FBXO42: variants seen among roughly 807,000 people sequenced by gnomAD.
FBXO42 encodes F-box only protein 42.
FBXO42 carries 12 observed loss-of-function variants against 71.7 expected under a neutral mutation model. The ratio of observed to expected loss-of-function variants is 0.17; its 90% CI spans 0.11 to 0.27. The LOEUF is 0.27. Ranked by LOEUF, FBXO42 falls within the 10% of genes least tolerant of loss-of-function variation. FBXO42 has a pLI of 1.00. For missense variants in FBXO42, 707 were observed against 911.9 expected (o/e 0.78, Z 2.89); for synonymous variants, 325 against 327.5 (o/e 0.99, Z 0.08).
intron 1 of FBXO42, among the ~76,000 whole-genome samples, chr1:16,316,117 C>T (rs959911170): frequency 2.8e-5 from 4 of 144,826 alleles, no homozygotes; most frequent in East Asian, 4.0e-4. Context: ...TGCAGTGAGC[C>T]GAGATCATGC....
intron 1 of FBXO42, among the ~76,000 whole-genome samples, chr1:16,335,993 G>A (rs12740433): frequency 2.7e-4 from 41 of 151,404 alleles, no homozygotes; most frequent in Admixed American, 2.4e-3. Flanking sequence ...GTACAATGGC[G>A]CAATCTCGGC....
rs557447940 is a variant in FBXO42 at position 16,305,653 on chromosome 1, G to T, written c.367+150C>A. The T allele has an allele frequency of 1.5e-5, 10 of 670,180 alleles. No homozygotes were observed. The East Asian group carries it at 2.6e-4, about 18-fold the overall frequency. 41.5% of individuals were successfully genotyped at this position (670,180 alleles called of 1,614,324 possible). A position where few individuals can be genotyped will look rare whatever the true frequency, so the allele number is the denominator to read the frequency against. ...ACCTGAGCCTGGGGAGGTGGAGGCT[G>T]TAGTAAGCTGTGATTATGCCACTGC... On this transcript the variant is annotated intron_variant, in intron 3 of 9. Coordinates refer to ENST00000375592, the MANE Select transcript of FBXO42 (RefSeq NM_018994.3).
intron 2 of FBXO42, among the ~76,000 whole-genome samples, chr1:16,311,495 A>G (rs1557596928): frequency 1.1e-5 from 1 of 90,604 alleles, no homozygotes; most frequent in East Asian, 2.5e-4. Context: ...CTCAAAAAAA[A>G]AAAAAAAAAT....
chr1:16,252,617 A>C lies in FBXO42; in HGVS notation c.922-213T>G, dbSNP rs1020604957. Among the ~76,000 whole-genome samples the C allele has an allele frequency of 6.6e-6, 1 of 152,228 alleles. No individual in the cohort carries two copies. The highest frequency in any genetic ancestry group is 2.1e-4 in the South Asian group (1 of 4,834). ...ATATTACCACTGGCTTAGCACATGGAATTGTGCTTGTGACCCATGAATCAA... is the reference window on the plus strand; with the variant it reads ...ATATTACCACTGGCTTAGCACATGGCATTGTGCTTGTGACCCATGAATCAA... On this transcript the variant is annotated intron_variant, in intron 8 of 9. Coordinates refer to ENST00000375592, the MANE Select transcript of FBXO42 (RefSeq NM_018994.3). This position sits in a 1 kb window ranked among gnomAD's most constrained non-coding sequence, Gnocchi z 4.4.
Position 16,251,322 on chromosome 1 carries a change from T to A in FBXO42, c.1502A>T (p.Asp501Val). ...AGCGGGTTTCAGATCCCAATTCAGA[T>A]CTATGGATCCTAATCTCAGATCTTT... Reference protein sequence around the residue: ...DQKDLRLGSIDLNWDLKPASS... With the variant: ...DQKDLRLGSIVLNWDLKPASS... Residue 501 changes from aspartate to valine, a missense_variant, in exon 10 of 10, where the codon GAT becomes GTT. Coordinates refer to ENST00000375592, the MANE Select transcript of FBXO42 (RefSeq NM_018994.3). The surrounding 1 kb of genome is among the most constrained non-coding windows in gnomAD (Gnocchi z 4.5). 6.2e-7 allele frequency: 1 copy of A among 1,614,200 alleles called. No individual in the cohort carries two copies.
chr1:16,283,979 A>G (rs1215374924), intron 4 of FBXO42, among the ~76,000 whole-genome samples: 1 of 152,054 alleles, frequency 6.6e-6, no homozygotes, highest in Non-Finnish European at 1.5e-5. Context: ...TCTGTATTAA[A>G]CAGATGCCAA....
At chr1:16,299,395 TA>T (rs2082167627) in intron 3 of FBXO42, among the ~76,000 whole-genome samples, 1 of 152,164 alleles carries the variant, frequency 6.6e-6, no homozygotes, top group African/African-American at 2.4e-5. Flanking sequence ...AATCCCACAC[TA>T]AAATAGGGCA....
At chr1:16,262,908 A>C (rs751427290) in intron 4 of FBXO42, among the ~76,000 whole-genome samples, 3 of 151,694 alleles carry the variant, frequency 2.0e-5, no homozygotes, top group Non-Finnish European at 4.4e-5. Flanking sequence ...ACAGCATTTC[A>C]CCATGTTGTG....
intron 4 of FBXO42, among the ~76,000 whole-genome samples, chr1:16,258,274 C>T (rs1246423728): frequency 2.6e-5 from 4 of 152,050 alleles, no homozygotes; most frequent in Admixed American, 6.5e-5. Flanking sequence ...GGGAACAATA[C>T]GATTTACTGA....
At chr1:16,308,905 A>G (rs929696820) in intron 2 of FBXO42, among the ~76,000 whole-genome samples, 2 of 151,156 alleles carry the variant, frequency 1.3e-5, no homozygotes, top group Admixed American at 1.3e-4. Flanking sequence ...CACCATGCCT[A>G]GCTAATTTTG....
chr1:16,256,827 A>T (rs2081651310), intron 4 of FBXO42, 68 bp from the exon 5 acceptor site: 1 of 1,530,756 alleles, frequency 6.5e-7, no homozygotes, highest in South Asian at 1.2e-5. Flanking sequence ...TAGGCTATCC[A>T]TAGATCACCT....
chr1:16,294,402 T>C (rs1404271577), intron 4 of FBXO42: 1 of 190,344 alleles, frequency 5.3e-6, no homozygotes, highest in Non-Finnish European at 1.1e-5. Flanking sequence ...ACAACAGATA[T>C]TCAGAGACCT....
rs182660517 is a variant in FBXO42 at position 16,312,416 on chromosome 1, G to A, written c.250+2753C>T. Among the ~76,000 whole-genome samples, 415 of 152,106 alleles carry A rather than the reference G, an allele frequency of 2.7e-3. 1 individual carries two copies. Among genetic ancestry groups the A allele is most frequent in the African/African-American group, 9.6e-3 (397 of 41,520 alleles). ...TATTACTAAGTGAAAGAAACCAATCGGAAAAGGCTGTATACTGTATGATTC... is the reference window on the plus strand; with the variant it reads ...TATTACTAAGTGAAAGAAACCAATCAGAAAAGGCTGTATACTGTATGATTC... On this transcript the variant is annotated intron_variant, in intron 2 of 9. Transcript: ENST00000375592.
Position 16,250,719 on chromosome 1 carries a change from T to G in FBXO42, c.2105A>C (p.Lys702Thr). The G allele has an allele frequency of 6.2e-7, 1 of 1,614,176 alleles. No homozygotes were observed. Among genetic ancestry groups the G allele is most frequent in the Non-Finnish European group, 8.5e-7 (1 of 1,180,042 alleles). Reference protein sequence around the residue: ...GGLMDKKQNVKYYPKTNALYF... With the variant: ...GGLMDKKQNVTYYPKTNALYF... ...CAAGGCGTTTGTTTTTGGATAGTACTTCACATTCTGTTTCTTGTCCATGAG... is the reference window on the plus strand; with the variant it reads ...CAAGGCGTTTGTTTTTGGATAGTACGTCACATTCTGTTTCTTGTCCATGAG... Residue 702 changes from lysine (K) to threonine (T), a missense_variant, in exon 10 of 10, where the codon AAG becomes ACG. Lys to Thr is a moderately conservative substitution (Grantham distance 78). This residue lies in a region of FBXO42 where 18 missense variants were observed against 22.3 expected (regional missense o/e 0.81). Transcript: ENST00000375592. The surrounding 1 kb of genome is among the most constrained non-coding windows in gnomAD (Gnocchi z 4.7).
chr1:16,251,635 T>C lies in FBXO42; in HGVS notation c.1189A>G (p.Ser397Gly), dbSNP rs1400687671. 1 of 1,614,098 alleles carries C rather than the reference T, an allele frequency of 6.2e-7. No individual in the cohort carries two copies. Residue 397 changes from serine (S) to glycine (G), a missense_variant, in exon 10 of 10, where the codon AGC (serine) becomes GGC (glycine). Coordinates refer to ENST00000375592, the MANE Select transcript of FBXO42 (RefSeq NM_018994.3). The surrounding 1 kb of genome is among the most constrained non-coding windows in gnomAD (Gnocchi z 4.5). ...TTAACACAAGGAGCTTCATCCATGC[T>C]TCTTACTGGAGACTGAGAGCGGTAC... The part of the protein sequence containing the change: ...REYRSQSPVR[S>G]MDEAPCVNGR...
At chr1:16,308,997 C>G (rs1358946544) in intron 2 of FBXO42, among the ~76,000 whole-genome samples, 1 of 144,720 alleles carries the variant, frequency 6.9e-6, no homozygotes. Flanking sequence ...CCCACCTCGG[C>G]CTCCCAAAAT....
intron 4 of FBXO42, among the ~76,000 whole-genome samples, chr1:16,273,297 T>G (rs1188806165): frequency 6.6e-6 from 1 of 152,212 alleles, no homozygotes; most frequent in African/African-American, 2.4e-5. Flanking sequence ...TTCCTCACAT[T>G]ACTTTAGGTC....
chr1:16,273,981 C>T (rs1275712050), intron 4 of FBXO42, among the ~76,000 whole-genome samples: 6 of 152,136 alleles, frequency 3.9e-5, no homozygotes, highest in Non-Finnish European at 8.8e-5. Flanking sequence ...ATCTCAAAAA[C>T]GTGTTCAAAG....
At position 16,251,071 on chromosome 1, in the gene FBXO42, G is replaced by A. The variant is rs373389348; in HGVS notation, c.1753C>T (p.Pro585Ser). 5.0e-6 allele frequency: 8 copies of A among 1,614,070 alleles called. No homozygotes were observed. The highest frequency in any genetic ancestry group is 4.0e-5 in the African/African-American group (3 of 74,926). The change falls in exon 10 of 10, where the codon CCA becomes TCA. Residue 585 changes from proline (P) to serine (S), a missense_variant. This residue lies in a region of FBXO42 where 482 missense variants were observed against 587.1 expected (regional missense o/e 0.82). Coordinates refer to ENST00000375592, the MANE Select transcript of FBXO42 (RefSeq NM_018994.3). The surrounding 1 kb of genome is among the most constrained non-coding windows in gnomAD (Gnocchi z 4.5). ...AAACTCTGGCTCCCAGGAGAGCCTG[G>A]AGAAGACCCAAGAGGAGGACTTAGT... ...AALSPPLGSS[P>S]GSPGSQSLSS... is the part of the protein sequence containing the mutation.
Sources: allele counts gnomAD v4.1 joint callset (sites outside exome capture counted in the v4.1 genomes callset), GRCh38; gene constraint gnomAD v4.1.1; regional missense constraint gnomAD v4.1.1; non-coding constraint Gnocchi (gnomAD v3.1); transcripts MANE v1.5; gene names NCBI Gene and HGNC (gene_info 2026-07-23, HGNC 2026-07-21).